MCC: variants seen among roughly 807,000 people sequenced by gnomAD.
MCC encodes the protein MCC regulator of Wnt signaling pathway.
A neutral mutation model predicts 116.2 loss-of-function variants in MCC; 90 were observed. That is an observed-to-expected ratio of 0.77 (90% CI 0.65 to 0.92). The LOEUF is 0.92. MCC is among the 40% of genes least tolerant of loss of function. The pLI is 0.00. For synonymous variants in MCC, 578 were observed against 510.5 expected, an observed-to-expected ratio of 1.13 and a Z score of -1.78; for missense variants, 1,516 against 1,312.2, an observed-to-expected ratio of 1.16 and a Z score of -2.40.
rs150243160 is a variant in MCC at position 113,220,319 on chromosome 5, A to G, written c.628-68897T>C. ...CATGATCCACCCACCTCGGCCTCCT[A>G]AAGTGCTGGGATTTCAGGCGTGAGC... On this transcript the variant is annotated intron_variant, in intron 3 of 18. Coordinates refer to ENST00000408903, the MANE Select transcript of MCC (RefSeq NM_001085377.2). Among the ~76,000 whole-genome samples, 855 of 151,942 alleles carry G rather than the reference A, an allele frequency of 5.6e-3. 8 individuals carry two copies. The highest frequency in any genetic ancestry group is 0.02 in the African/African-American group (826 of 41,502).
intron 2 of MCC, among the ~76,000 whole-genome samples, chr5:113,342,750 T>C (rs1274762232): frequency 6.6e-6 from 1 of 152,256 alleles, no homozygotes. Flanking sequence ...AAGCCTAGGC[T>C]GCATGCCTCT....
chr5:113,036,256 T>C (rs900316448), intron 17 of MCC, among the ~76,000 whole-genome samples: 5 of 152,094 alleles, frequency 3.3e-5, no homozygotes, highest in African/African-American at 1.2e-4. Flanking sequence ...CAGGCCAGTC[T>C]TGAATTCCTA....
At chr5:113,354,584 A>G (rs1304530852) in intron 2 of MCC, among the ~76,000 whole-genome samples, 1 of 151,532 alleles carries the variant, frequency 6.6e-6, no homozygotes, top group Non-Finnish European at 1.5e-5. Flanking sequence ...ACAGGCATGC[A>G]CCACCACACC....
chr5:113,351,770 T>G (rs1471272028), intron 2 of MCC, among the ~76,000 whole-genome samples: 3 of 152,214 alleles, frequency 2.0e-5, no homozygotes, highest in African/African-American at 7.2e-5. Flanking sequence ...GTGATTATTA[T>G]GTACTGCATG....
At chr5:113,438,359 C>G (rs1251956232) in intron 1 of MCC, among the ~76,000 whole-genome samples, 2 of 152,136 alleles carry the variant, frequency 1.3e-5, no homozygotes, top group African/African-American at 4.8e-5. Context: ...GCAGATAAAT[C>G]TGGTTTTAAA....
intron 3 of MCC, among the ~76,000 whole-genome samples, chr5:113,192,377 C>T (rs1392649290): frequency 1.3e-5 from 2 of 152,194 alleles, no homozygotes; most frequent in East Asian, 3.8e-4. Context: ...ACTGTTCTTT[C>T]ACTAAGAAAT....
At chr5:113,106,682 C>T (rs547564034) in intron 6 of MCC, among the ~76,000 whole-genome samples, 1 of 152,326 alleles carries the variant, frequency 6.6e-6, no homozygotes, top group South Asian at 2.1e-4. Context: ...ACCTCAGCCT[C>T]CCAAGATGCT....
rs768460808 is a variant in MCC at position 113,143,355 on chromosome 5, C to T, written c.747G>A (p.Glu249=). The T allele has an allele frequency of 6.2e-7, 1 of 1,613,566 alleles. No individual in the cohort carries two copies. The highest frequency in any genetic ancestry group is 8.5e-7 in the Non-Finnish European group (1 of 1,179,930). ...CATGCTCTCTCATGAGGTGGGACTGCTCGCACTGGGAATAAGGGAAAAGGA... is the reference window on the plus strand; with the variant it reads ...CATGCTCTCTCATGAGGTGGGACTGTTCGCACTGGGAATAAGGGAAAAGGA... ...LEKKLAKAQC[E]QSHLMREHED... is the part of the protein sequence containing the mutation. The change falls in exon 5 of 19, where the codon GAG becomes GAA. Residue 249 remains glutamate, a synonymous_variant. Transcript: ENST00000408903.
chr5:113,307,588 T>C (rs1394041432), intron 3 of MCC, among the ~76,000 whole-genome samples: 1 of 152,204 alleles, frequency 6.6e-6, no homozygotes, highest in Non-Finnish European at 1.5e-5. Context: ...CATCTGCAAA[T>C]AGAGATTTTT....
chr5:113,135,564 A>AAAG lies in MCC; in HGVS notation c.884+7653_884+7654insCTT, dbSNP rs1758769443. 2.0e-5 allele frequency among the ~76,000 whole-genome samples: 3 copies of AAAG among 150,418 alleles called. No individual in the cohort carries two copies. The South Asian group carries it at 6.3e-4, about 32-fold the overall frequency. Reference sequence around the variant, plus strand: ...ACAGAGTGAGACTCTGTCTCAAAAAAAAAAAAAAAAAAAATTATTCTTAGG... The same window carrying AAAG: ...ACAGAGTGAGACTCTGTCTCAAAAAAAAGAAAAAAAAAAAAAATTATTCTTAGG... On this transcript the variant is annotated intron_variant, in intron 5 of 18. Transcript: ENST00000408903.
chr5:113,094,881 G>A (rs549391166), intron 8 of MCC, among the ~76,000 whole-genome samples: 4 of 152,284 alleles, frequency 2.6e-5, no homozygotes, highest in African/African-American at 7.2e-5. Flanking sequence ...CACAATCTCC[G>A]TGGCTCAAGT....
chr5:113,272,505 G>C (rs1765653938), intron 3 of MCC, among the ~76,000 whole-genome samples: 1 of 152,040 alleles, frequency 6.6e-6, no homozygotes, highest in Non-Finnish European at 1.5e-5. Flanking sequence ...GGGCTCTACT[G>C]TGCTCATTTT....
In MCC at chr5:113,184,662, A is replaced by G. The variant is rs1251752913; in HGVS notation, c.628-33240T>C. On this transcript the variant is annotated intron_variant, in intron 3 of 18. Transcript: ENST00000408903. ...TTGGTTTCTATAACCCTATAGGAAC[A>G]GAGGTCAACAAGGATTATTTTTATT... 3.9e-5 allele frequency among the ~76,000 whole-genome samples: 6 copies of G among 152,192 alleles called. No homozygotes were observed. In the East Asian group the frequency reaches 9.7e-4, roughly 24 times the overall value.
At chr5:113,483,070 C>A (rs999851696) in intron 1 of MCC, among the ~76,000 whole-genome samples, 91 of 152,258 alleles carry the variant, frequency 6.0e-4, no homozygotes, top group African/African-American at 2.0e-3. Flanking sequence ...CGTTGAAAAT[C>A]AATTGACATG....
At chr5:113,038,446 G>A (rs1434778701) in intron 17 of MCC, among the ~76,000 whole-genome samples, 1 of 152,112 alleles carries the variant, frequency 6.6e-6, no homozygotes, top group Non-Finnish European at 1.5e-5. Flanking sequence ...ATTAAGAAAT[G>A]AGCAATGAAA....
At chr5:113,461,658 G>A (rs1473605392) in intron 1 of MCC, among the ~76,000 whole-genome samples, 1 of 150,886 alleles carries the variant, frequency 6.6e-6, no homozygotes, top group African/African-American at 2.4e-5. Context: ...GTGACAGAGT[G>A]GGACCATGTT....
intron 1 of MCC, among the ~76,000 whole-genome samples, chr5:113,396,774 C>A (rs4583882): frequency 6.6e-6 from 1 of 151,970 alleles, no homozygotes; most frequent in Non-Finnish European, 1.5e-5. Context: ...TGTTGTATTC[C>A]CAATACCAAG....
chr5:113,324,275 A>G (rs945733010), intron 3 of MCC, among the ~76,000 whole-genome samples: 4 of 152,198 alleles, frequency 2.6e-5, no homozygotes, highest in Admixed American at 6.5e-5. Flanking sequence ...ATGAATAACA[A>G]ACACAAATGC....
At chr5:113,281,558 C>G (rs2150357322) in intron 3 of MCC, among the ~76,000 whole-genome samples, 1 of 152,226 alleles carries the variant, frequency 6.6e-6, no homozygotes, top group East Asian at 1.9e-4. Flanking sequence ...AACAATAAAC[C>G]TGGGACAAAA....
Sources: gnomAD v4.1 joint callset for allele counts (sites outside exome capture counted in the v4.1 genomes callset) on GRCh38, gnomAD v4.1.1 for gene constraint, MANE v1.5 for transcripts, NCBI Gene and HGNC (gene_info 2026-07-23, HGNC 2026-07-21) for gene names.